The following NEK11 variants were observed in gnomAD, a reference collection of about 807,000 sequenced individuals.
The protein encoded by NEK11 is serine/threonine-protein kinase Nek11.
NEK11 carries 72 observed loss-of-function variants against 80.7 expected under a neutral mutation model. That is an observed-to-expected ratio of 0.89 (90% CI 0.74 to 1.08). The LOEUF (loss-of-function observed/expected upper bound fraction) is 1.08. Ranked by LOEUF, NEK11 falls within the 50% of genes least tolerant of loss-of-function variation. NEK11 has a pLI of 0.00. For missense variants in NEK11, 764 were observed against 763.6 expected, an observed-to-expected ratio of 1.00 and a Z score of -0.01; for synonymous variants, 251 against 260.7, an observed-to-expected ratio of 0.96 and a Z score of 0.36.
rs140708371 is a variant in NEK11, at chr3:131,178,947, A to C, written c.1399+8060A>C. On this transcript the variant is annotated intron_variant, in intron 14 of 17. Coordinates refer to ENST00000383366, the MANE Select transcript of NEK11 (RefSeq NM_024800.5). ...CAGTGCATGACTGTACTTGTACTTTAAGATTGTTATGGCTTGAATGTCTGC... is the reference window on the plus strand; with the variant it reads ...CAGTGCATGACTGTACTTGTACTTTCAGATTGTTATGGCTTGAATGTCTGC... 5.2e-4 allele frequency among the ~76,000 whole-genome samples: 79 copies of C among 152,286 alleles called. No individual in the cohort carries two copies. In the East Asian group the frequency reaches 0.015, roughly 29 times the overall value.
chr3:131,230,343 C>T (rs919436999), intron 15 of NEK11, among the ~76,000 whole-genome samples: 7 of 152,060 alleles, frequency 4.6e-5, no homozygotes, highest in African/African-American at 9.7e-5. Context: ...TTGCAGTTTG[C>T]GTGACCTTGT....
intron 14 of NEK11, among the ~76,000 whole-genome samples, chr3:131,218,836 C>A (rs2094927378): frequency 6.6e-6 from 1 of 152,104 alleles, no homozygotes; most frequent in South Asian, 2.1e-4. Flanking sequence ...GTTTGTTGGT[C>A]ACATAAATGT....
At chr3:131,315,357 A>C (rs2096826180) in intron 17 of NEK11, among the ~76,000 whole-genome samples, 2 of 152,038 alleles carry the variant, frequency 1.3e-5, no homozygotes, top group South Asian at 4.1e-4. Flanking sequence ...CCGATCATGC[A>C]GTATTTTTCT....
In NEK11 at chr3:131,115,115, G is replaced by A. The variant is rs79464686; in HGVS notation, c.455+5194G>A. 7.7e-3 allele frequency among the ~76,000 whole-genome samples: 1,179 copies of A among 152,230 alleles called. 20 individuals are homozygous for A. Among genetic ancestry groups the A allele is most frequent in the African/African-American group, 0.027 (1,114 of 41,530 alleles). On this transcript the variant is annotated intron_variant, in intron 5 of 17. Transcript: ENST00000383366. ...AAAGTAGATTGCCCTCCACAGTGTGGGCAGGCATCATCCAATCCCTTGATG... is the reference window on the plus strand; with the variant it reads ...AAAGTAGATTGCCCTCCACAGTGTGAGCAGGCATCATCCAATCCCTTGATG...
intron 17 of NEK11, among the ~76,000 whole-genome samples, chr3:131,290,032 T>C (rs374690076): frequency 8.5e-5 from 13 of 152,252 alleles, no homozygotes; most frequent in East Asian, 7.7e-4. Context: ...AGCAGACAAC[T>C]GAGTGAGTTT....
chr3:131,027,152 G>A (rs571302303), intron 1 of NEK11, 146 bp downstream of exon 1: 2 of 152,350 alleles, frequency 1.3e-5, no homozygotes, highest in South Asian at 4.1e-4. Flanking sequence ...ACCTCCGGAT[G>A]TACTCCAGTC....
At chr3:131,307,003 G>A (rs2096730241) in intron 17 of NEK11, among the ~76,000 whole-genome samples, 1 of 152,102 alleles carries the variant, frequency 6.6e-6, no homozygotes, top group Non-Finnish European at 1.5e-5. Flanking sequence ...TGGGGGCAGA[G>A]GTTTGCCCTG....
chr3:131,162,604 A>G (rs561752436), intron 11 of NEK11, 77 bp downstream of exon 11: 4 of 1,559,968 alleles, frequency 2.6e-6, no homozygotes, highest in South Asian at 1.2e-5. Context: ...GAGAAAAGCA[A>G]AAACCAAAAC....
chr3:131,198,654 C>T (rs959838187), intron 14 of NEK11, among the ~76,000 whole-genome samples: 12 of 152,170 alleles, frequency 7.9e-5, no homozygotes, highest in Non-Finnish European at 1.8e-4. Flanking sequence ...TCAGGTATGC[C>T]ATGGGTTGCA....
At chr3:131,211,031 T>G (rs962307251) in intron 14 of NEK11, among the ~76,000 whole-genome samples, 3 of 152,210 alleles carry the variant, frequency 2.0e-5, no homozygotes, top group South Asian at 2.1e-4. Context: ...GTTAGCTGGT[T>G]ATTTTGCCCA....
At chr3:131,040,016 G>T (rs1322646156) in intron 3 of NEK11, among the ~76,000 whole-genome samples, 1 of 120,828 alleles carries the variant, frequency 8.3e-6, no homozygotes, top group Non-Finnish European at 1.7e-5. Context: ...AACATTGTTG[G>T]CACCAGAGTT....
intron 7 of NEK11, among the ~76,000 whole-genome samples, chr3:131,135,257 G>C (rs550018853): frequency 2.0e-5 from 3 of 152,132 alleles, no homozygotes; most frequent in Admixed American, 2.0e-4. Context: ...ATTCAGTCTT[G>C]CAATTGTTCA....
At chr3:131,341,156 T>C (rs1419690859) in intron 17 of NEK11, among the ~76,000 whole-genome samples, 1 of 152,208 alleles carries the variant, frequency 6.6e-6, no homozygotes, top group Admixed American at 6.5e-5. Context: ...AATGCATCAT[T>C]GCAGAATATA....
chr3:131,201,866 G>T (rs771721702), intron 14 of NEK11, among the ~76,000 whole-genome samples: 160 of 151,942 alleles, frequency 1.1e-3, no homozygotes, highest in Non-Finnish European at 1.8e-3. Context: ...ACAGAGTCTC[G>T]TTCTGTCGCC....
chr3:131,076,456 C>A (rs2148980385), intron 3 of NEK11, among the ~76,000 whole-genome samples: 1 of 146,598 alleles, frequency 6.8e-6, no homozygotes, highest in East Asian at 2.0e-4. Flanking sequence ...AAAAAAGAGA[C>A]CTTCCCATTT....
intron 16 of NEK11, among the ~76,000 whole-genome samples, chr3:131,262,018 T>C (rs2095932424): frequency 6.6e-6 from 1 of 152,074 alleles, no homozygotes; most frequent in South Asian, 2.1e-4. Flanking sequence ...AAATAGGTTC[T>C]TTGTAAAGAT....
intron 4 of NEK11, among the ~76,000 whole-genome samples, chr3:131,106,780 A>T (rs1156233112): frequency 6.6e-6 from 1 of 152,228 alleles, no homozygotes; most frequent in Non-Finnish European, 1.5e-5. Context: ...AAGAAAAAGA[A>T]ATATGTTACA....
At chr3:131,294,852 C>A (rs1337342245) in intron 17 of NEK11, among the ~76,000 whole-genome samples, 1 of 152,072 alleles carries the variant, frequency 6.6e-6, no homozygotes, top group Admixed American at 6.6e-5. Context: ...CTCATAGCTT[C>A]CCTTGCTTTG....
intron 13 of NEK11, among the ~76,000 whole-genome samples, chr3:131,169,249 T>A (rs570410573): frequency 6.6e-6 from 1 of 152,292 alleles, no homozygotes; most frequent in African/African-American, 2.4e-5. Flanking sequence ...CTAATCTCAT[T>A]GGGGCTCTGT....
Sources: allele counts gnomAD v4.1 joint callset (sites outside exome capture counted in the v4.1 genomes callset), GRCh38; gene constraint gnomAD v4.1.1; transcripts MANE v1.5; gene names NCBI Gene and HGNC (gene_info 2026-07-23, HGNC 2026-07-21).